HTR7: variants seen among roughly 807,000 people sequenced by gnomAD.
HTR7 encodes 5-HT-7.
Under a neutral mutation model 34.0 loss-of-function variants are expected in HTR7, and 16 were observed. The observed-to-expected ratio is 0.47, with a 90% confidence interval of 0.32 to 0.71. The LOEUF (loss-of-function observed/expected upper bound fraction) is 0.71, where lower values mean the gene tolerates loss of function less well. Among genes scored for constraint, HTR7 ranks in the 30% least tolerant of loss-of-function variants. The pLI is 0.04. For synonymous variants in HTR7, 265 were observed against 260.2 expected (o/e 1.02, Z -0.18); for missense variants, 504 against 625.5 (o/e 0.81, Z 2.07).
intron 1 of HTR7, among the ~76,000 whole-genome samples, chr10:90,800,847 AG>A (rs1438250847): frequency 6.6e-6 from 1 of 152,224 alleles, no homozygotes; most frequent in African/African-American, 2.4e-5. Flanking sequence ...GCATGCCCTC[AG>A]GGTGGCTCAA....
Position 90,742,536 on chromosome 10 carries a change from A to C in HTR7, c.1394-8T>G, listed in dbSNP as rs891328566. The stretch of plus-strand genomic sequence containing the variant: ...CAGTAGTCAGCATTTTGTCTAAAAA[A>C]AAGAGAGAGAAAAATAGAAAATAAT... On this transcript the variant is annotated splice_polypyrimidine_tract_variant and splice_region_variant and intron_variant, in intron 3 of 3. Transcript: ENST00000336152. The C allele has an allele frequency of 1.3e-6, 2 of 1,562,282 alleles. No individual in the cohort carries two copies. Among genetic ancestry groups the C allele is most frequent in the African/African-American group, 2.7e-5 (2 of 73,872 alleles).
chr10:90,761,894 CTCTA>C (rs1006525862), intron 1 of HTR7, among the ~76,000 whole-genome samples: 1 of 152,152 alleles, frequency 6.6e-6, no homozygotes, highest in African/African-American at 2.4e-5. Flanking sequence ...ATTTGTCTTT[CTCTA>C]TCTGACTTAT....
At chr10:90,821,890 G>A (rs941696000) in intron 1 of HTR7, among the ~76,000 whole-genome samples, 1 of 51,492 alleles carries the variant, frequency 1.9e-5, no homozygotes, top group Non-Finnish European at 3.8e-5. Context: ...GGAAAGACAT[G>A]CTTGATTCCC....
At chr10:90,812,709 G>T (rs571099792) in intron 1 of HTR7, among the ~76,000 whole-genome samples, 8 of 151,836 alleles carry the variant, frequency 5.3e-5, no homozygotes, top group Non-Finnish European at 1.2e-4. Context: ...GAGAAACATC[G>T]CCCATTCTCT....
intron 1 of HTR7, among the ~76,000 whole-genome samples, chr10:90,809,645 T>C (rs908873345): frequency 6.6e-6 from 1 of 152,180 alleles, no homozygotes; most frequent in Non-Finnish European, 1.5e-5. Context: ...TCCAAATGCC[T>C]GAACCGCAGC....
At chr10:90,810,602 A>G (rs138692846) in intron 1 of HTR7, among the ~76,000 whole-genome samples, 41,817 of 151,946 alleles carry the variant, frequency 0.28, 6,289 homozygotes, top group African/African-American at 0.4. Context: ...TATCCACCCC[A>G]TGGTGCTGAA....
At chr10:90,790,777 T>C (rs891864685) in intron 1 of HTR7, among the ~76,000 whole-genome samples, 5 of 152,096 alleles carry the variant, frequency 3.3e-5, no homozygotes, top group African/African-American at 4.8e-5. Flanking sequence ...CTCATCCATG[T>C]AAATCTAGAT....
rs1483690996 is a variant in HTR7 at position 90,770,464 on chromosome 10, G to A, written c.540-20870C>T. Among the ~76,000 whole-genome samples, 5 of 152,262 alleles carry A rather than the reference G, an allele frequency of 3.3e-5. No individual in the cohort carries two copies. In the East Asian group the frequency reaches 9.7e-4, roughly 30 times the overall value. The stretch of plus-strand genomic sequence containing the variant: ...TCCCACCCTCCCAGGCACAGGACCT[G>A]GGGTCTCTGACTCTGTATCCTCAGG... On this transcript the variant is annotated intron_variant, in intron 1 of 3. Transcript: ENST00000336152.
At chr10:90,816,436 A>G (rs11814840) in intron 1 of HTR7, among the ~76,000 whole-genome samples, 42,207 of 152,088 alleles carry the variant, frequency 0.28, 6,444 homozygotes, top group African/African-American at 0.41. Flanking sequence ...AAGGAAAACT[A>G]TAACACAATT....
intron 1 of HTR7, among the ~76,000 whole-genome samples, chr10:90,813,913 T>G (rs541768064): frequency 3.7e-4 from 56 of 152,200 alleles, no homozygotes; most frequent in Non-Finnish European, 7.5e-4. Context: ...CTATGGGCCC[T>G]ATGTAAATCA....
chr10:90,801,678 T>G (rs1185670899), intron 1 of HTR7, among the ~76,000 whole-genome samples: 1 of 152,190 alleles, frequency 6.6e-6, no homozygotes, highest in African/African-American at 2.4e-5. Context: ...GCATAGCCAG[T>G]AGGATCCCCA....
At chr10:90,805,018 G>T (rs186264569) in intron 1 of HTR7, among the ~76,000 whole-genome samples, 27 of 152,252 alleles carry the variant, frequency 1.8e-4, no homozygotes, top group Non-Finnish European at 3.1e-4. Flanking sequence ...TGCCTCTCAG[G>T]TCTAAAACTC....
At chr10:90,829,483 G>A (rs890183158) in intron 1 of HTR7, among the ~76,000 whole-genome samples, 8 of 151,798 alleles carry the variant, frequency 5.3e-5, no homozygotes, top group Non-Finnish European at 1.0e-4. Flanking sequence ...CCTTCAACCT[G>A]TCACCTACAT....
chr10:90,744,922 T>C (rs191158335), intron 2 of HTR7, among the ~76,000 whole-genome samples: 15 of 152,300 alleles, frequency 9.8e-5, no homozygotes, highest in African/African-American at 3.1e-4. Context: ...TTGGTGCCTT[T>C]ACAAAAAAAG....
At chr10:90,806,118 G>A (rs1461919706) in intron 1 of HTR7, among the ~76,000 whole-genome samples, 1 of 152,168 alleles carries the variant, frequency 6.6e-6, no homozygotes, top group Non-Finnish European at 1.5e-5. Flanking sequence ...ACATGAGGAT[G>A]TGGTTTTTTG....
At chr10:90,828,560 A>G (rs1846114796) in intron 1 of HTR7, among the ~76,000 whole-genome samples, 1 of 152,160 alleles carries the variant, frequency 6.6e-6, no homozygotes, top group African/African-American at 2.4e-5. Flanking sequence ...GGATTATGAG[A>G]GGCTTAATAT....
intron 1 of HTR7, among the ~76,000 whole-genome samples, chr10:90,798,574 A>C (rs1158543469): frequency 1.3e-5 from 2 of 152,268 alleles, no homozygotes; most frequent in East Asian, 3.9e-4. Context: ...AATTTAGCCA[A>C]GTGTGGTGGC....
At chr10:90,810,304 C>T (rs1049919587) in intron 1 of HTR7, among the ~76,000 whole-genome samples, 4 of 152,094 alleles carry the variant, frequency 2.6e-5, no homozygotes, top group African/African-American at 9.7e-5. Flanking sequence ...TTGTATCCCC[C>T]CACCTTAACC....
In HTR7 at chr10:90,857,642, C is replaced by A. The variant is rs1160474938; in HGVS notation, c.30G>T (p.Pro10=). 1 of 1,592,230 alleles carries A rather than the reference C, an allele frequency of 6.3e-7. No individual in the cohort carries two copies. Among genetic ancestry groups the A allele is most frequent in the Non-Finnish European group, 8.5e-7 (1 of 1,173,718 alleles). ...AAGAGCGGAGGTGCCCGTAGAGGTC[C>A]GGGCGGCCGCTGCTGTTAACGTCCA... MMDVNSSGR[P]DLYGHLRSFL... is the part of the protein sequence containing the mutation. The change falls in exon 1 of 4, where the codon CCG becomes CCT. Residue 10 remains proline, a synonymous_variant. Transcript: ENST00000336152. This position sits in a 1 kb window ranked among gnomAD's most constrained non-coding sequence, Gnocchi z 6.5.
Sources: gnomAD v4.1 joint callset for allele counts (sites outside exome capture counted in the v4.1 genomes callset) on GRCh38, gnomAD v4.1.1 for gene constraint, Gnocchi (gnomAD v3.1) non-coding constraint, MANE v1.5 for transcripts, NCBI Gene and HGNC (gene_info 2026-07-23, HGNC 2026-07-21) for gene names.